SH3PXD2A: variants seen among roughly 807,000 people sequenced by gnomAD.
SH3PXD2A encodes the protein SH3 and PX domain-containing protein 2A.
SH3PXD2A carries 32 observed loss-of-function variants against 115.2 expected under a neutral mutation model. The observed-to-expected ratio is 0.28, with a 90% confidence interval of 0.21 to 0.37. The LOEUF (loss-of-function observed/expected upper bound fraction) is 0.37, where lower values mean the gene tolerates loss of function less well. SH3PXD2A is among the 10% of genes least tolerant of loss of function. The pLI, the probability that SH3PXD2A is intolerant of heterozygous loss-of-function variation, is 1.00. For synonymous variants in SH3PXD2A, 610 were observed against 629.1 expected (o/e 0.97, Z 0.45); for missense variants, 1,328 against 1,498.7 (o/e 0.89, Z 1.88).
intron 3 of SH3PXD2A, among the ~76,000 whole-genome samples, 161 bp from the exon 4 acceptor site, chr10:103,735,969 G>C (rs1014937015): frequency 1.3e-5 from 2 of 152,198 alleles, no homozygotes; most frequent in African/African-American, 4.8e-5. Context: ...ACCTTTCCTG[G>C]AGGGCAGGAG....
intron 4 of SH3PXD2A, among the ~76,000 whole-genome samples, chr10:103,727,627 C>A (rs2038256978): frequency 6.6e-6 from 1 of 152,210 alleles, no homozygotes; most frequent in Admixed American, 6.5e-5. Flanking sequence ...AAGCACAGAC[C>A]CTGGCCAGCC....
At chr10:103,619,963 A>G (rs916062228) in intron 10 of SH3PXD2A, among the ~76,000 whole-genome samples, 1 of 152,210 alleles carries the variant, frequency 6.6e-6, no homozygotes, top group Non-Finnish European at 1.5e-5. Flanking sequence ...CAGTTGGCTC[A>G]GATGGCAGAG....
intron 6 of SH3PXD2A, 90 bp downstream of exon 6, chr10:103,692,938 C>A: frequency 1.1e-6 from 1 of 932,958 alleles, no homozygotes; most frequent in South Asian, 1.4e-5. Flanking sequence ...CCCCCCTCCC[C>A]GCCCCCAAGA....
chr10:103,722,722 G>C (rs56136023), intron 5 of SH3PXD2A, among the ~76,000 whole-genome samples: 18,770 of 152,034 alleles, frequency 0.12, 1,250 homozygotes, highest in African/African-American at 0.16. Flanking sequence ...AAGTTACGAG[G>C]GATCTGCCTG....
chr10:103,779,197 T>A (rs1177823631), intron 2 of SH3PXD2A, among the ~76,000 whole-genome samples: 1 of 152,118 alleles, frequency 6.6e-6, no homozygotes, highest in African/African-American at 2.4e-5. Flanking sequence ...GCCTCCCGAG[T>A]GGCTGGGATT....
chr10:103,710,696 C>A (rs2038037066), intron 5 of SH3PXD2A, among the ~76,000 whole-genome samples: 1 of 152,078 alleles, frequency 6.6e-6, no homozygotes. Context: ...TGGTATATGC[C>A]ACAAGTGAGA....
intron 2 of SH3PXD2A, among the ~76,000 whole-genome samples, chr10:103,800,015 G>A (rs1230575476): frequency 1.3e-5 from 2 of 152,160 alleles, no homozygotes; most frequent in African/African-American, 2.4e-5. Flanking sequence ...GCAAGCACAC[G>A]GTACCCAAGA....
At chr10:103,827,086 C>T (rs1021230335) in intron 1 of SH3PXD2A, among the ~76,000 whole-genome samples, 2 of 152,110 alleles carry the variant, frequency 1.3e-5, no homozygotes, top group Admixed American at 6.5e-5. Flanking sequence ...ACAACCATTG[C>T]AGATGACCAC....
chr10:103,838,060 C>T (rs948791364), intron 1 of SH3PXD2A, among the ~76,000 whole-genome samples: 12 of 152,170 alleles, frequency 7.9e-5, no homozygotes, highest in African/African-American at 2.9e-4. Flanking sequence ...GAAACTGAGC[C>T]CCCAGGGTGA....
At chr10:103,776,099 G>A (rs893688930) in intron 2 of SH3PXD2A, among the ~76,000 whole-genome samples, 7 of 152,134 alleles carry the variant, frequency 4.6e-5, no homozygotes, top group Non-Finnish European at 1.0e-4. Context: ...CAAATCATAA[G>A]TGTATAGCCG....
intron 3 of SH3PXD2A, among the ~76,000 whole-genome samples, chr10:103,763,745 A>T (rs1320761456): frequency 6.6e-6 from 1 of 152,158 alleles, no homozygotes; most frequent in Admixed American, 6.5e-5. Flanking sequence ...CTTCAGATGC[A>T]TGCCCCCGGC....
At chr10:103,729,588 C>T (rs767196401) in intron 4 of SH3PXD2A, among the ~76,000 whole-genome samples, 3 of 152,220 alleles carry the variant, frequency 2.0e-5, no homozygotes, top group Admixed American at 6.5e-5. Flanking sequence ...CATTGCCCTG[C>T]GGGGCTGCTG....
At chr10:103,624,710 G>A (rs932085635) in intron 9 of SH3PXD2A, among the ~76,000 whole-genome samples, 5 of 152,182 alleles carry the variant, frequency 3.3e-5, no homozygotes, top group Admixed American at 6.5e-5. Flanking sequence ...AGGGCTCAGG[G>A]CACCTATGAT....
chr10:103,767,189 G>A lies in SH3PXD2A; in HGVS notation c.154-20C>T. On this transcript the variant is annotated intron_variant, in intron 2 of 14. Transcript: ENST00000369774. ...CTGCATCTGAGAAGCCAGACAGACA[G>A]AGGGACAGGATTCAGAAGACCAGAA... 1 of 1,598,384 alleles carries A rather than the reference G, an allele frequency of 6.3e-7. No homozygotes were observed. Among genetic ancestry groups the A allele is most frequent in the Non-Finnish European group, 8.6e-7 (1 of 1,166,090 alleles).
chr10:103,638,901 C>T (rs989410647), intron 8 of SH3PXD2A, among the ~76,000 whole-genome samples: 3 of 152,182 alleles, frequency 2.0e-5, no homozygotes, highest in Non-Finnish European at 4.4e-5. Context: ...GAGAGACCCT[C>T]GTGGTGTCAG....
intron 1 of SH3PXD2A, among the ~76,000 whole-genome samples, chr10:103,845,717 A>G (rs1158282999): frequency 6.6e-6 from 1 of 152,176 alleles, no homozygotes; most frequent in Admixed American, 6.5e-5. Context: ...TTCTTGCTGG[A>G]GATCCAAGAA....
chr10:103,746,411 C>G lies in SH3PXD2A; in HGVS notation c.230-10603G>C, dbSNP rs1263806408. 6.6e-6 allele frequency among the ~76,000 whole-genome samples: 1 copy of G among 152,116 alleles called. No individual in the cohort carries two copies. The highest frequency in any genetic ancestry group is 1.5e-5 in the Non-Finnish European group (1 of 68,020). On this transcript the variant is annotated intron_variant, in intron 3 of 14. Transcript: ENST00000369774. The surrounding 1 kb of genome is among the most constrained non-coding windows in gnomAD (Gnocchi z 4.4). ...CTCGGCTCACTGCAATCTCTGCCTC[C>G]CGGGTTCAAGTGATTCTCCCACTTC...
intron 8 of SH3PXD2A, among the ~76,000 whole-genome samples, chr10:103,633,642 C>T (rs374626367): frequency 1.4e-5 from 2 of 143,352 alleles, no homozygotes; most frequent in African/African-American, 2.6e-5. Flanking sequence ...GCATGAGAAT[C>T]GCTTGAACCC....
rs1186898754 is a variant in SH3PXD2A at position 103,601,874 on chromosome 10, T to C, written c.3344A>G (p.Asp1115Gly). 4.3e-6 allele frequency: 7 copies of C among 1,613,576 alleles called. No homozygotes were observed. The highest frequency in any genetic ancestry group is 5.9e-6 in the Non-Finnish European group (7 of 1,179,848). The part of the protein sequence containing the change: ...PNGWWYCQIL[D>G]GVKPFKGWVP... ...CCAGCCTTTGAAGGGCTTCACACCA[T>C]CCAGGATCTGGCAGTACCACCAGCC... The change falls in exon 15 of 15, where the codon GAT becomes GGT. Residue 1115 changes from aspartate (D) to glycine (G), a missense_variant. Coordinates refer to ENST00000369774, the MANE Select transcript of SH3PXD2A (RefSeq NM_001394015.1).
Sources: allele counts gnomAD v4.1 joint callset (sites outside exome capture counted in the v4.1 genomes callset), GRCh38; gene constraint gnomAD v4.1.1; non-coding constraint Gnocchi (gnomAD v3.1); transcripts MANE v1.5; gene names NCBI Gene and HGNC (gene_info 2026-07-23, HGNC 2026-07-21).